Variants in KCNIP2 observed in about 807,000 individuals in gnomAD.
The protein encoded by KCNIP2 is potassium voltage-gated channel interacting protein 2.
Under a neutral mutation model 39.0 loss-of-function variants are expected in KCNIP2, and 19 were observed. The observed-to-expected ratio is 0.49, with a 90% CI of 0.34 to 0.71. The LOEUF is 0.71. Among genes scored for constraint, KCNIP2 ranks in the 30% least tolerant of loss-of-function variants. The pLI is 0.01. For missense variants in KCNIP2, 261 were observed against 346.0 expected, an observed-to-expected ratio of 0.75 and a Z score of 1.95; for synonymous variants, 111 against 131.2, an observed-to-expected ratio of 0.85 and a Z score of 1.05.
intron 2 of KCNIP2, among the ~76,000 whole-genome samples, chr10:101,830,867 C>T (rs1168930920): frequency 6.6e-5 from 10 of 151,358 alleles, no homozygotes; most frequent in Non-Finnish European, 1.0e-4. Flanking sequence ...GGGGCACGCT[C>T]GCGCGCACAT....
In KCNIP2 at chr10:101,828,790, G is replaced by C. The variant is rs923281427; in HGVS notation, c.349-94C>G. The C allele has an allele frequency of 3.7e-6, 6 of 1,607,282 alleles. 1 individual carries two copies. The highest frequency in any genetic ancestry group is 1.3e-5 in the African/African-American group (1 of 74,732). On this transcript the variant is annotated intron_variant, in intron 4 of 9. Transcript: ENST00000356640. This position sits in a 1 kb window ranked among gnomAD's most constrained non-coding sequence, Gnocchi z 6.6. ...ATGGCCCAAGACTCCCAGGGAGGGGGATAATCTTCAAGCCTCCAGAGGACT... is the reference window on the plus strand; with the variant it reads ...ATGGCCCAAGACTCCCAGGGAGGGGCATAATCTTCAAGCCTCCAGAGGACT...
At chr10:101,827,570 A>C in intron 9 of KCNIP2, 119 bp downstream of exon 9, 1 of 1,335,056 alleles carries the variant, frequency 7.5e-7, no homozygotes, top group Non-Finnish European at 1.1e-6. Flanking sequence ...ACAAAGGAAT[A>C]GGATTGAAAT....
chr10:101,843,419 C>G lies in KCNIP2; in HGVS notation c.73+77G>C. ...GGGCAGAGTGTGGGTGCGGGCCAGG[C>G]CGGGGTCGGAGAGGCGGAAGGGTCT... On this transcript the variant is annotated intron_variant, in intron 1 of 9. Coordinates refer to ENST00000356640, the MANE Select transcript of KCNIP2 (RefSeq NM_173191.3). This position sits in a 1 kb window ranked among gnomAD's most constrained non-coding sequence, Gnocchi z 6.7. 2.0e-6 allele frequency: 2 copies of G among 976,348 alleles called. No homozygotes were observed. The highest frequency in any genetic ancestry group is 2.9e-6 in the Non-Finnish European group (2 of 700,786). The allele number at this position is 976,348 out of a possible 1,614,324, so 60.5% of individuals were successfully genotyped here.
chr10:101,827,241 C>CCTA lies in KCNIP2; in HGVS notation c.*111_*112insTAG. On this transcript the variant is annotated 3_prime_UTR_variant, in exon 10 of 10. Coordinates refer to ENST00000356640, the MANE Select transcript of KCNIP2 (RefSeq NM_173191.3). ...TCCCCAAGCTCTTGGATCCCTCCAG[C>CCTA]CCCCAGGGAGGCGTAGGATGAGGAT... 7.1e-7 allele frequency: 1 copy of CCTA among 1,417,580 alleles called. No individual in the cohort carries two copies. 87.8% of individuals were successfully genotyped at this position (1,417,580 alleles called of 1,614,324 possible). A position where few individuals can be genotyped will look rare whatever the true frequency, so the allele number is the denominator to read the frequency against.
At chr10:101,835,205 T>C (rs964025834) in intron 1 of KCNIP2, among the ~76,000 whole-genome samples, 1 of 152,166 alleles carries the variant, frequency 6.6e-6, no homozygotes, top group Non-Finnish European at 1.5e-5. Context: ...ATGAGAATAA[T>C]GGCGGAGAAG....
At chr10:101,840,904 C>T (rs535650426) in intron 1 of KCNIP2, among the ~76,000 whole-genome samples, 1 of 152,314 alleles carries the variant, frequency 6.6e-6, no homozygotes, top group East Asian at 1.9e-4. Flanking sequence ...AGATCCCAGT[C>T]GGGGGACCGA....
At chr10:101,840,513 G>A (rs1000283419) in intron 1 of KCNIP2, among the ~76,000 whole-genome samples, 11 of 148,908 alleles carry the variant, frequency 7.4e-5, no homozygotes, top group African/African-American at 2.7e-4. Context: ...ACCATACGCT[G>A]GCTACAGCCG....
chr10:101,838,744 A>T lies in KCNIP2; in HGVS notation c.73+4752T>A, dbSNP rs956378278. The stretch of plus-strand genomic sequence containing the variant: ...CATCTACCCTCCTTTTGGGGGACAG[A>T]TGGCAAGGAGAGGCCACAGGCCCTA... On this transcript the variant is annotated intron_variant, in intron 1 of 9. Transcript: ENST00000356640. This position sits in a 1 kb window ranked among gnomAD's most constrained non-coding sequence, Gnocchi z 4.0. Among the ~76,000 whole-genome samples the T allele has an allele frequency of 1.3e-5, 2 of 152,174 alleles. No individual in the cohort carries two copies. The highest frequency in any genetic ancestry group is 2.9e-5 in the Non-Finnish European group (2 of 68,032).
rs974209709 is a variant in KCNIP2 at position 101,827,297 on chromosome 10, T to G, written c.*56A>C. 5 of 1,541,194 alleles carry G rather than the reference T, an allele frequency of 3.2e-6. No homozygotes were observed. Among genetic ancestry groups the G allele is most frequent in the Non-Finnish European group, 4.4e-6 (5 of 1,140,002 alleles). On this transcript the variant is annotated 3_prime_UTR_variant, in exon 10 of 10. Transcript: ENST00000356640. ...TGGGAAGAGAAGGGTGAGGTCCGCC[T>G]GGACTAGGGTTAGAGCATGGTCCCC...
Position 101,828,475 on chromosome 10 carries a change from G to A in KCNIP2, c.419-16C>T, listed in dbSNP as rs759321585. 6.2e-7 allele frequency: 1 copy of A among 1,613,684 alleles called. No individual in the cohort carries two copies. Among genetic ancestry groups the A allele is most frequent in the South Asian group, 1.1e-5 (1 of 90,928 alleles). Reference sequence around the variant, plus strand: ...GTGCTGGAGTCTGCAGGGTGAGTGTGGAGAAGTTGGCTTCCACACAGGAGA... The same window carrying A: ...GTGCTGGAGTCTGCAGGGTGAGTGTAGAGAAGTTGGCTTCCACACAGGAGA... On this transcript the variant is annotated splice_polypyrimidine_tract_variant and intron_variant, in intron 5 of 9. Coordinates refer to ENST00000356640, the MANE Select transcript of KCNIP2 (RefSeq NM_173191.3). The surrounding 1 kb of genome is among the most constrained non-coding windows in gnomAD (Gnocchi z 6.6).
Position 101,829,096 on chromosome 10 carries a change from G to A in KCNIP2, c.327C>T (p.Val109=), listed in dbSNP as rs758630574. The A allele has an allele frequency of 2.5e-6, 4 of 1,614,128 alleles. No individual in the cohort carries two copies. Among genetic ancestry groups the A allele is most frequent in the Non-Finnish European group, 3.4e-6 (4 of 1,179,998 alleles). Residue 109 remains valine (V), a synonymous_variant, in exon 4 of 10, where the codon GTC becomes GTT. Coordinates refer to ENST00000356640, the MANE Select transcript of KCNIP2 (RefSeq NM_173191.3). ...TCACGTTCTTGAAGCCCCGGTACAGGACCTGCAACTCCTTGCGCGTGAATT... is the reference window on the plus strand; with the variant it reads ...TCACGTTCTTGAAGCCCCGGTACAGAACCTGCAACTCCTTGCGCGTGAATT... ...QTKFTRKELQ[V]LYRGFKNECP...
chr10:101,836,576 A>G (rs977921177), intron 1 of KCNIP2, among the ~76,000 whole-genome samples: 10 of 152,146 alleles, frequency 6.6e-5, no homozygotes, highest in Admixed American at 2.6e-4. Context: ...CCCCTAGGAA[A>G]AAGTCTATTT....
At position 101,830,681 on chromosome 10, in the gene KCNIP2, CCACACA is replaced by C. The variant is rs61337190; in HGVS notation, c.169+385_169+390del. On this transcript the variant is annotated intron_variant, in intron 2 of 9. Coordinates refer to ENST00000356640, the MANE Select transcript of KCNIP2 (RefSeq NM_173191.3). ...CCCGCCCTCGCCACGCTGGTCACGC[CCACACA>C]CACACACACACACACACACACACGC... Among the ~76,000 whole-genome samples, 1,174 of 145,290 alleles carry C rather than the reference CCACACA, an allele frequency of 8.1e-3. 19 individuals are homozygous for C. The highest frequency in any genetic ancestry group is 0.042 in the Admixed American group (623 of 14,738).
intron 1 of KCNIP2, among the ~76,000 whole-genome samples, chr10:101,839,506 T>C (rs746947456): frequency 2.0e-5 from 3 of 152,068 alleles, no homozygotes; most frequent in Non-Finnish European, 4.4e-5. Flanking sequence ...CCCTCCACCA[T>C]TGTGAGGGAC....
chr10:101,837,544 C>T (rs188207094), intron 1 of KCNIP2, among the ~76,000 whole-genome samples: 344 of 152,242 alleles, frequency 2.3e-3, no homozygotes, highest in African/African-American at 7.9e-3. Flanking sequence ...TGGTGCTTGC[C>T]TGTAATCCCA....
intron 1 of KCNIP2, among the ~76,000 whole-genome samples, chr10:101,835,804 T>C (rs2066136725): frequency 6.6e-6 from 1 of 152,246 alleles, no homozygotes; most frequent in Non-Finnish European, 1.5e-5. Flanking sequence ...TAATGCACTA[T>C]GTGCTTACAG....
rs568338791 is a variant in KCNIP2, at chr10:101,840,064, G to C, written c.73+3432C>G. Among the ~76,000 whole-genome samples the C allele has an allele frequency of 1.1e-4, 16 of 151,818 alleles. 1 individual carries two copies. In the East Asian group the frequency reaches 1.9e-3, roughly 18 times the overall value. On this transcript the variant is annotated intron_variant, in intron 1 of 9. Transcript: ENST00000356640. The stretch of plus-strand genomic sequence containing the variant: ...GCCCCCAAAGTTCCTGGACGGGGGG[G>C]GGGGGTGGCGGGGAGGGGCGGCGCG...
chr10:101,836,274 C>CTTTTTTTTTTTT (rs976487755), intron 1 of KCNIP2, among the ~76,000 whole-genome samples: 1 of 124,658 alleles, frequency 8.0e-6, no homozygotes, highest in African/African-American at 2.9e-5. Flanking sequence ...TTTTTTTTCT[C>CTTTTTTTTTTTT]TTTTTTTTTT....
At chr10:101,841,402 G>A (rs770517637) in intron 1 of KCNIP2, among the ~76,000 whole-genome samples, 4 of 152,154 alleles carry the variant, frequency 2.6e-5, no homozygotes, top group Non-Finnish European at 5.9e-5. Flanking sequence ...AGCGCCGCCC[G>A]CCCGCCCGGG....
Sources: gnomAD v4.1 joint callset for allele counts (sites outside exome capture counted in the v4.1 genomes callset) on GRCh38, gnomAD v4.1.1 for gene constraint, Gnocchi (gnomAD v3.1) non-coding constraint, MANE v1.5 for transcripts, NCBI Gene and HGNC (gene_info 2026-07-23, HGNC 2026-07-21) for gene names.